The following DLGAP2 variants were observed in gnomAD, a reference collection of about 807,000 sequenced individuals.
DLGAP2 encodes DLG associated protein 2.
Under a neutral mutation model 100.3 loss-of-function variants are expected in DLGAP2, and 26 were observed. The ratio of observed to expected loss-of-function variants is 0.26; its 90% CI spans 0.19 to 0.36. DLGAP2 has a LOEUF of 0.36. Among genes scored for constraint, DLGAP2 ranks in the 10% least tolerant of loss-of-function variants. The pLI, the probability that DLGAP2 is intolerant of heterozygous loss-of-function variation, is 1.00. For synonymous variants in DLGAP2, 886 were observed against 630.1 expected, an observed-to-expected ratio of 1.41 and a Z score of -6.08; for missense variants, 1,858 against 1,453.2, an observed-to-expected ratio of 1.28 and a Z score of -4.53.
chr8:830,988 C>G (rs550445183), intron 1 of DLGAP2, among the ~76,000 whole-genome samples: 1 of 150,958 alleles, frequency 6.6e-6, no homozygotes, highest in Non-Finnish European at 1.5e-5. Flanking sequence ...CTTTGCCTCC[C>G]GAGTTCAAGC....
intron 1 of DLGAP2, among the ~76,000 whole-genome samples, chr8:815,710 G>A (rs1026759659): frequency 6.6e-6 from 1 of 152,106 alleles, no homozygotes; most frequent in Non-Finnish European, 1.5e-5. Flanking sequence ...TCCCTAATGT[G>A]CCTATCGTTT....
At chr8:945,959 G>A (rs1245545256) in intron 2 of DLGAP2, among the ~76,000 whole-genome samples, 1 of 152,066 alleles carries the variant, frequency 6.6e-6, no homozygotes, top group Non-Finnish European at 1.5e-5. Flanking sequence ...CTTCTCCTGT[G>A]CCCTTTTAAG....
chr8:1,019,507 A>T (rs768733723), intron 2 of DLGAP2: 1 of 151,082 alleles, frequency 6.6e-6, no homozygotes, highest in South Asian at 2.1e-4. Context: ...TCTGGAGCAC[A>T]TTTCCCTCTA....
intron 6 of DLGAP2, among the ~76,000 whole-genome samples, chr8:1,618,939 C>T (rs923125356): frequency 8.5e-5 from 13 of 152,146 alleles, no homozygotes; most frequent in South Asian, 2.1e-4. Flanking sequence ...CCAGATGTCC[C>T]TTGAGGGCCT....
At chr8:787,404 C>T (rs969306897) in intron 1 of DLGAP2, among the ~76,000 whole-genome samples, 1 of 152,174 alleles carries the variant, frequency 6.6e-6, no homozygotes, top group African/African-American at 2.4e-5. Context: ...GAAGGGTGGC[C>T]TCTAAAAAAT....
At chr8:1,279,083 C>A (rs1197124805) in intron 3 of DLGAP2, among the ~76,000 whole-genome samples, 1 of 152,174 alleles carries the variant, frequency 6.6e-6, no homozygotes, top group Non-Finnish European at 1.5e-5. Flanking sequence ...TTTTACAAAA[C>A]AAGAACAAAA....
intron 2 of DLGAP2, among the ~76,000 whole-genome samples, chr8:1,162,402 T>G (rs991988837): frequency 2.0e-5 from 3 of 152,206 alleles, no homozygotes; most frequent in Admixed American, 6.5e-5. Flanking sequence ...GAAAGAATAT[T>G]GTTTTCAATA....
rs1339311823 is a variant in DLGAP2, at chr8:1,459,621, A to G, written c.107-41745A>G. ...ATGTAGGAAATGGGAGCAGGCCTAGAGCACTCACAGAGCTGTCAGGATCAT... is the reference window on the plus strand; with the variant it reads ...ATGTAGGAAATGGGAGCAGGCCTAGGGCACTCACAGAGCTGTCAGGATCAT... On this transcript the variant is annotated intron_variant, in intron 3 of 14. Coordinates refer to ENST00000637795, the MANE Select transcript of DLGAP2 (RefSeq NM_001346810.2). 2.6e-5 allele frequency among the ~76,000 whole-genome samples: 4 copies of G among 151,902 alleles called. No homozygotes were observed. In the South Asian group the frequency reaches 6.2e-4, roughly 24 times the overall value.
chr8:1,594,170 A>G (rs1029460749), intron 6 of DLGAP2, among the ~76,000 whole-genome samples: 3 of 152,214 alleles, frequency 2.0e-5, no homozygotes, highest in Admixed American at 2.0e-4. Context: ...AGACAAGGTC[A>G]TGAAGACTGA....
intron 1 of DLGAP2, among the ~76,000 whole-genome samples, chr8:896,331 C>T (rs1293541526): frequency 1.3e-5 from 2 of 151,526 alleles, no homozygotes; most frequent in South Asian, 2.1e-4. Flanking sequence ...GGGTTTTGTG[C>T]AGGACCTGGC....
intron 3 of DLGAP2, among the ~76,000 whole-genome samples, chr8:1,294,954 A>G (rs1265483332): frequency 6.6e-6 from 1 of 152,142 alleles, no homozygotes; most frequent in Non-Finnish European, 1.5e-5. Flanking sequence ...ATATGATATA[A>G]ATTAAGATTT....
At chr8:1,499,086 A>C (rs923127747) in intron 3 of DLGAP2, among the ~76,000 whole-genome samples, 1 of 152,208 alleles carries the variant, frequency 6.6e-6, no homozygotes, top group Non-Finnish European at 1.5e-5. Context: ...CCTGCAATTC[A>C]AGGCTGACCT....
At chr8:1,173,334 A>C (rs969933623) in intron 2 of DLGAP2, among the ~76,000 whole-genome samples, 5 of 152,232 alleles carry the variant, frequency 3.3e-5, no homozygotes, top group African/African-American at 9.6e-5. Flanking sequence ...GTCAGGGGTC[A>C]GAGACCCACT....
intron 2 of DLGAP2, among the ~76,000 whole-genome samples, chr8:1,019,903 G>A (rs1801580802): frequency 6.6e-6 from 1 of 151,990 alleles, no homozygotes; most frequent in Non-Finnish European, 1.5e-5. Flanking sequence ...GGGATGGCCT[G>A]TGTGTGTGTG....
intron 1 of DLGAP2, among the ~76,000 whole-genome samples, chr8:816,860 A>G (rs982066186): frequency 6.6e-6 from 1 of 152,236 alleles, no homozygotes; most frequent in Non-Finnish European, 1.5e-5. Context: ...AATTATTCTT[A>G]GGTTTGGACA....
chr8:799,926 G>A lies in DLGAP2; in HGVS notation c.18+62101G>A, dbSNP rs536417186. 5.3e-5 allele frequency among the ~76,000 whole-genome samples: 8 copies of A among 152,312 alleles called. No individual in the cohort carries two copies. In the South Asian group the frequency reaches 1.7e-3, roughly 32 times the overall value. On this transcript the variant is annotated intron_variant, in intron 1 of 14. Transcript: ENST00000637795. ...ACTTTGAATTATTAAAAGGGCTTAA[G>A]TCTCATGAATTAATGCTGTAATTGC...
intron 3 of DLGAP2, among the ~76,000 whole-genome samples, chr8:1,446,231 C>T (rs1459537558): frequency 6.6e-6 from 1 of 152,138 alleles, no homozygotes; most frequent in African/African-American, 2.4e-5. Flanking sequence ...TTAGGTCTAA[C>T]ATGTAAGTCT....
chr8:1,037,003 G>C (rs1201005520), intron 2 of DLGAP2, among the ~76,000 whole-genome samples: 1 of 152,102 alleles, frequency 6.6e-6, no homozygotes, highest in Non-Finnish European at 1.5e-5. Context: ...CTGAGCCAGT[G>C]ACTGGGGAAT....
intron 4 of DLGAP2, among the ~76,000 whole-genome samples, chr8:1,545,734 A>T (rs927045511): frequency 2.6e-5 from 4 of 152,256 alleles, no homozygotes; most frequent in African/African-American, 9.6e-5. Flanking sequence ...CAGGAAATCC[A>T]GTCCTGTATA....
Sources: gnomAD v4.1 joint callset for allele counts (sites outside exome capture counted in the v4.1 genomes callset) on GRCh38, gnomAD v4.1.1 for gene constraint, MANE v1.5 for transcripts, NCBI Gene and HGNC (gene_info 2026-07-23, HGNC 2026-07-21) for gene names.